Variants in ATAD5 observed in about 807,000 individuals in gnomAD.
ATAD5 encodes ATPase family AAA domain-containing protein 5.
ATAD5 carries 58 observed loss-of-function variants against 176.9 expected under a neutral mutation model. The observed-to-expected ratio is 0.33, with a 90% confidence interval of 0.27 to 0.41. The LOEUF is 0.41. ATAD5 is among the 10% of genes least tolerant of loss of function. The pLI is 1.00. For missense variants in ATAD5, 1,789 were observed against 2,094.1 expected, an observed-to-expected ratio of 0.85 and a Z score of 2.84; for synonymous variants, 640 against 712.6, an observed-to-expected ratio of 0.90 and a Z score of 1.62.
At chr17:30,884,255 A>C (rs1334918534) in intron 18 of ATAD5, among the ~76,000 whole-genome samples, 1 of 149,234 alleles carries the variant, frequency 6.7e-6, no homozygotes, top group Admixed American at 6.7e-5. Flanking sequence ...CTTTGGTTTC[A>C]AGCAATTCTC....
Position 30,887,338 on chromosome 17 carries a change from T to C in ATAD5, c.4224T>C (p.Gly1408=). ...LYLQFWIRSG[G]GVLEERPLTL... ...TACAATTCTGGATTAGAAGTGGAGG[T>C]GGAGTTTTAGAAGAACGACCATTAA... The change falls in exon 19 of 23, where the codon GGT becomes GGC. Residue 1408 remains glycine, a synonymous_variant. Coordinates refer to ENST00000321990, the MANE Select transcript of ATAD5 (RefSeq NM_024857.5). The C allele has an allele frequency of 6.2e-7, 1 of 1,605,130 alleles. No homozygotes were observed.
At chr17:30,876,907 G>A (rs58935958) in intron 15 of ATAD5, among the ~76,000 whole-genome samples, 15,966 of 151,534 alleles carry the variant, frequency 0.11, 952 homozygotes, top group South Asian at 0.24. Flanking sequence ...AGTAGAGACG[G>A]GGTTTTGCCA....
At position 30,844,971 on chromosome 17, in the gene ATAD5, T is replaced by A. The variant is rs377303818; in HGVS notation, c.2450+55T>A. 3.4e-4 allele frequency: 468 copies of A among 1,394,304 alleles called. 1 individual carries two copies. In the African/African-American group the frequency reaches 6.4e-3, roughly 19 times the overall value. 86.4% of individuals were successfully genotyped at this position (1,394,304 alleles called of 1,614,324 possible). ...AAATATTTTATAGAATGTATTTGTATTGATGTGTTTACTTTGATGAGAAAG... is the reference window on the plus strand; with the variant it reads ...AAATATTTTATAGAATGTATTTGTAATGATGTGTTTACTTTGATGAGAAAG... On this transcript the variant is annotated intron_variant, in intron 6 of 22. Transcript: ENST00000321990.
chr17:30,834,360 C>T lies in ATAD5; in HGVS notation c.279C>T (p.Asp93=), dbSNP rs1483763316. 6.2e-7 allele frequency: 1 copy of T among 1,609,730 alleles called. No homozygotes were observed. The highest frequency in any genetic ancestry group is 8.5e-7 in the Non-Finnish European group (1 of 1,178,498). The change falls in exon 2 of 23, where the codon GAC becomes GAT. Residue 93 remains aspartate, a synonymous_variant. Coordinates refer to ENST00000321990, the MANE Select transcript of ATAD5 (RefSeq NM_024857.5). ...AGTCACCTGAATCAGTACCTGTTGA[C>T]AGCAACAAAGACTGTACGACACCTT... ...KIKSPESVPV[D]SNKDCTTPLE... is the part of the protein sequence containing the mutation.
Position 30,895,562 on chromosome 17 carries a change from G to C in ATAD5, c.*649G>C, listed in dbSNP as rs1451831885. 1 of 151,938 alleles carries C rather than the reference G, an allele frequency of 6.6e-6. No homozygotes were observed. Among genetic ancestry groups the C allele is most frequent in the Non-Finnish European group, 1.5e-5 (1 of 68,032 alleles). 9.4% of individuals were successfully genotyped at this position (151,938 alleles called of 1,614,324 possible). A position where few individuals can be genotyped will look rare whatever the true frequency, so the allele number is the denominator to read the frequency against. On this transcript the variant is annotated 3_prime_UTR_variant, in exon 23 of 23. Coordinates refer to ENST00000321990, the MANE Select transcript of ATAD5 (RefSeq NM_024857.5). Reference sequence around the variant, plus strand: ...TGGGATTACAGGCATGTGCCACCTTGCCCAGCTAATTTTTGTATTTTTAGA... The same window carrying C: ...TGGGATTACAGGCATGTGCCACCTTCCCCAGCTAATTTTTGTATTTTTAGA...
intron 6 of ATAD5, 60 bp downstream of exon 6, chr17:30,844,976 G>A (rs1597958828): frequency 1.7e-5 from 24 of 1,371,986 alleles, no homozygotes; most frequent in Non-Finnish European, 2.4e-5. Flanking sequence ...TTGTATTGAT[G>A]TGTTTACTTT....
Position 30,895,033 on chromosome 17 carries a change from G to T in ATAD5, c.*120G>T, listed in dbSNP as rs1279809102. The T allele has an allele frequency of 1.6e-6, 1 of 615,614 alleles. No homozygotes were observed. Among genetic ancestry groups the T allele is most frequent in the East Asian group, 3.5e-5 (1 of 28,898 alleles). 38.1% of individuals were successfully genotyped at this position (615,614 alleles called of 1,614,324 possible). ...GATGTACATTTTAAACAAACAATTT[G>T]TATATTTTTTTATTGGCGGGTAAAT... On this transcript the variant is annotated 3_prime_UTR_variant, in exon 23 of 23. Transcript: ENST00000321990.
At chr17:30,872,338 G>T (rs1247996652) in intron 14 of ATAD5, among the ~76,000 whole-genome samples, 1 of 152,050 alleles carries the variant, frequency 6.6e-6, no homozygotes, top group Admixed American at 6.6e-5. Context: ...AGTTATGTTT[G>T]CCAGTCTACC....
intron 6 of ATAD5, among the ~76,000 whole-genome samples, chr17:30,847,302 A>G (rs1262115589): frequency 6.6e-6 from 1 of 151,474 alleles, no homozygotes; most frequent in Non-Finnish European, 1.5e-5. Flanking sequence ...AGTAGTACTC[A>G]TATGAATATG....
At chr17:30,847,971 C>G (rs576538910) in intron 6 of ATAD5, among the ~76,000 whole-genome samples, 1 of 152,058 alleles carries the variant, frequency 6.6e-6, no homozygotes, top group Non-Finnish European at 1.5e-5. Flanking sequence ...CCACCCACCT[C>G]GGCCTCCCAA....
chr17:30,862,280 G>A (rs938453837), intron 10 of ATAD5, among the ~76,000 whole-genome samples: 1 of 151,030 alleles, frequency 6.6e-6, no homozygotes, highest in Admixed American at 6.6e-5. Flanking sequence ...GCTGCAGTGA[G>A]CCAAGATCTC....
intron 19 of ATAD5, among the ~76,000 whole-genome samples, chr17:30,889,043 G>A (rs1909476529): frequency 6.9e-6 from 1 of 144,962 alleles, no homozygotes. Flanking sequence ...CTGGGCGACA[G>A]AGTGAGACTC....
chr17:30,881,887 T>G lies in ATAD5; in HGVS notation c.4077+2400T>G, dbSNP rs530373441. 1.4e-3 allele frequency among the ~76,000 whole-genome samples: 214 copies of G among 151,670 alleles called. 2 individuals carry two copies. The highest frequency in any genetic ancestry group is 8.4e-4 in the Non-Finnish European group (57 of 67,908). On this transcript the variant is annotated intron_variant, in intron 18 of 22. Transcript: ENST00000321990. ...CAAGATCATACCACTGCACTCCAGC[T>G]TGGTGACAGAGCAAGACCCTGTCCC... is the stretch of plus-strand genomic sequence containing the variant.
In ATAD5 at chr17:30,835,035, C is replaced by T. The variant is rs776431178; in HGVS notation, c.954C>T (p.Arg318=). The T allele has an allele frequency of 6.8e-6, 11 of 1,614,010 alleles. No homozygotes were observed. In the South Asian group the frequency reaches 1.2e-4, roughly 18 times the overall value. Residue 318 remains arginine (R), a synonymous_variant, in exon 2 of 23, where the codon CGC becomes CGT. Transcript: ENST00000321990. ...ACTCCGAAATTTCCCAGCAGGTACG[C>T]TTTAAGACAGTTACTGTTCTTGCAC... ...SENSEISQQV[R]FKTVTVLAQV...
intron 6 of ATAD5, among the ~76,000 whole-genome samples, chr17:30,850,823 TTATATATTTTTATATATATA>T (rs1301038004): frequency 1.7e-5 from 1 of 60,488 alleles, no homozygotes; most frequent in East Asian, 4.4e-4. Context: ...TTATTTATAT[TTATATATTTTTATATATATA>T]TATATATATA....
chr17:30,850,822 TTTATATATTTTTA>T (rs1906841005), intron 6 of ATAD5, among the ~76,000 whole-genome samples: 2 of 45,606 alleles, frequency 4.4e-5, no homozygotes, highest in African/African-American at 3.4e-4. Flanking sequence ...ATTATTTATA[TTTATATATTTTTA>T]TATATATATA....
At position 30,893,816 on chromosome 17, in the gene ATAD5, A is replaced by T; in HGVS notation, c.4963A>T (p.Asn1655Tyr). The T allele has an allele frequency of 1.2e-6, 2 of 1,614,048 alleles. No individual in the cohort carries two copies. Among genetic ancestry groups the T allele is most frequent in the Non-Finnish European group, 1.7e-6 (2 of 1,179,922 alleles). Residue 1655 changes from asparagine to tyrosine, a missense_variant, in exon 21 of 23, where the codon AAC becomes TAC. Asn to Tyr is a moderately radical substitution (Grantham distance 143). This residue lies in a region of ATAD5 where 403 missense variants were observed against 495.1 expected (regional missense o/e 0.81). Coordinates refer to ENST00000321990, the MANE Select transcript of ATAD5 (RefSeq NM_024857.5). ...CLNSLSEFMD[N>Y]MSFLDALLTD... ...AAATTCTCTCTCTGAGTTCATGGATAACATGTCCTTCTTAGATGCACTTTT... is the reference window on the plus strand; with the variant it reads ...AAATTCTCTCTCTGAGTTCATGGATTACATGTCCTTCTTAGATGCACTTTT...
chr17:30,838,904 A>G (rs1033177960), intron 3 of ATAD5, among the ~76,000 whole-genome samples: 3 of 152,224 alleles, frequency 2.0e-5, no homozygotes, highest in African/African-American at 7.2e-5. Flanking sequence ...TGTTCACTGA[A>G]GACTTATCCA....
At chr17:30,889,618 T>C (rs1295114366) in intron 19 of ATAD5, among the ~76,000 whole-genome samples, 1 of 151,814 alleles carries the variant, frequency 6.6e-6, no homozygotes, top group African/African-American at 2.4e-5. Context: ...TTTTCAGTCA[T>C]CATTGTTACC....
Sources: allele counts gnomAD v4.1 joint callset (sites outside exome capture counted in the v4.1 genomes callset), GRCh38; gene constraint gnomAD v4.1.1; regional missense constraint gnomAD v4.1.1; transcripts MANE v1.5; gene names NCBI Gene and HGNC (gene_info 2026-07-23, HGNC 2026-07-21).